Variants in HPX observed in about 807,000 individuals in gnomAD.
HPX encodes the protein beta-1B-glycoprotein.
HPX carries 42 observed loss-of-function variants against 53.8 expected under a neutral mutation model. The observed-to-expected ratio is 0.78, with a 90% CI of 0.61 to 1.01. The LOEUF (loss-of-function observed/expected upper bound fraction) is 1.01. Ranked by LOEUF, HPX falls within the 50% of genes least tolerant of loss-of-function variation. The pLI, the probability that HPX is intolerant of heterozygous loss-of-function variation, is 0.00. For synonymous variants in HPX, 229 were observed against 221.1 expected (o/e 1.04, Z -0.32); for missense variants, 547 against 594.3 (o/e 0.92, Z 0.83).
At chr11:6,439,665 C>A in intron 4 of HPX, 1 of 183,250 alleles carries the variant, frequency 5.5e-6, no homozygotes, top group Admixed American at 5.5e-5. Context: ...GAAAACAAAG[C>A]CGACAGTCAG....
At chr11:6,435,741 T>C (rs1338175558) in intron 7 of HPX, among the ~76,000 whole-genome samples, 1 of 152,222 alleles carries the variant, frequency 6.6e-6, no homozygotes, top group Non-Finnish European at 1.5e-5. Flanking sequence ...CAGGCGTGAC[T>C]CACCACGCCC....
chr11:6,438,326 C>T, intron 5 of HPX, 30 bp downstream of exon 5: 1 of 1,611,478 alleles, frequency 6.2e-7, no homozygotes, highest in Non-Finnish European at 8.5e-7. Context: ...CACCACTACT[C>T]CAGGTTCTTG....
In HPX at chr11:6,440,937, A is replaced by T. The variant is rs1256521773; in HGVS notation, c.27T>A (p.Val9=). 1 of 1,609,826 alleles carries T rather than the reference A, an allele frequency of 6.2e-7. No homozygotes were observed. Among genetic ancestry groups the T allele is most frequent in the Admixed American group, 1.7e-5 (1 of 59,572 alleles). MARVLGAP[V]ALGLWSLCWS... ...AGCATAGGCTCCACAACCCCAGTGC[A>T]ACGGGTGCTCCCAGTACCCTAGCCA... Residue 9 remains valine, a synonymous_variant, in exon 1 of 10, where the codon GTT becomes GTA. Coordinates refer to ENST00000265983, the MANE Select transcript of HPX (RefSeq NM_000613.3).
chr11:6,439,615 G>C (rs1849459787), intron 4 of HPX: 1 of 185,356 alleles, frequency 5.4e-6, no homozygotes, highest in Non-Finnish European at 1.1e-5. Flanking sequence ...GGTTGAGATA[G>C]AATGAGACAT....
intron 5 of HPX, 137 bp from the exon 6 acceptor site, chr11:6,437,789 G>A: frequency 1.5e-6 from 1 of 678,086 alleles, no homozygotes; most frequent in African/African-American, 1.8e-5. Context: ...GGCTAAAGGA[G>A]GGTGATCATA....
chr11:6,431,331 G>T lies in HPX; in HGVS notation c.1269C>A (p.Pro423=), dbSNP rs369731095. The T allele has an allele frequency of 1.2e-5, 19 of 1,614,094 alleles. No homozygotes were observed. The African/African-American group carries it at 2.4e-4, about 20-fold the overall frequency. The change falls in exon 10 of 10, where the codon CCC becomes CCA. Residue 423 remains proline, a synonymous_variant. Coordinates refer to ENST00000265983, the MANE Select transcript of HPX (RefSeq NM_000613.3). ...LGPNSCSANG[P]GLYLIHGPNL... ...TGGGACCATGGATGAGGTACAAGCC[G>T]GGACCATTGGCGGAACATGAGTTAG...
chr11:6,440,702 C>G lies in HPX; in HGVS notation c.112G>C (p.Gly38Arg). 1.9e-6 allele frequency: 3 copies of G among 1,613,926 alleles called. No individual in the cohort carries two copies. The highest frequency in any genetic ancestry group is 2.5e-6 in the Non-Finnish European group (3 of 1,179,988). ...ACGTCTGGGTCTGGCTTGGTCTCGC[C>G]TTCAGCAACATTCCCATGGGCACTA... ...PTSAHGNVAE[G>R]ETKPDPDVTE... Residue 38 changes from glycine (G) to arginine (R), a missense_variant, in exon 2 of 10, where the codon GGC becomes CGC. Transcript: ENST00000265983.
intron 7 of HPX, among the ~76,000 whole-genome samples, chr11:6,435,423 T>C (rs1024531111): frequency 1.2e-4 from 18 of 151,882 alleles, no homozygotes; most frequent in African/African-American, 4.4e-4. Context: ...TATATATATA[T>C]ATATATGGGT....
rs961762385 is a variant in HPX, at chr11:6,437,151, G to A, written c.730C>T (p.His244Tyr). ...RGHGHRNGTG[H>Y]GNSTHHGPEY... ...GGGCCATGGTGGGTACTGTTCCCAT[G>A]GCCAGTCCCATTCCTGTGTCCATGG... is the stretch of plus-strand genomic sequence containing the variant. The change falls in exon 7 of 10, where the codon CAT becomes TAT. Residue 244 changes from histidine (H) to tyrosine (Y), a missense_variant. Physicochemically the swap from His to Tyr is moderately conservative, Grantham distance 83. Transcript: ENST00000265983. 1 of 1,613,906 alleles carries A rather than the reference G, an allele frequency of 6.2e-7. No individual in the cohort carries two copies. The highest frequency in any genetic ancestry group is 1.3e-5 in the African/African-American group (1 of 74,910).
At chr11:6,438,708 A>G (rs4758417) in intron 4 of HPX, among the ~76,000 whole-genome samples, 199 bp from the exon 5 acceptor site, 9,612 of 152,280 alleles carry the variant, frequency 0.063, 434 homozygotes, top group South Asian at 0.14. Flanking sequence ...CACTATTACT[A>G]TAACACACAT....
At chr11:6,438,126 G>A (rs183589025) in intron 5 of HPX, 206 of 577,108 alleles carry the variant, frequency 3.6e-4, no homozygotes, top group Admixed American at 1.3e-3. Context: ...AGGGTCATGG[G>A]GAACAATGAG....
chr11:6,440,652 T>A lies in HPX; in HGVS notation c.142+20A>T. 1 of 1,605,386 alleles carries A rather than the reference T, an allele frequency of 6.2e-7. No homozygotes were observed. Among genetic ancestry groups the A allele is most frequent in the Non-Finnish European group, 8.5e-7 (1 of 1,176,342 alleles). ...ACACAACCAGACAGATAAGACAGAC[T>A]TAGGGAGTCAGGGCCTCACCAGTCA... is the stretch of plus-strand genomic sequence containing the variant. On this transcript the variant is annotated intron_variant, in intron 2 of 9. Transcript: ENST00000265983.
chr11:6,432,879 G>C (rs1849367515), intron 7 of HPX, among the ~76,000 whole-genome samples: 1 of 151,978 alleles, frequency 6.6e-6, no homozygotes, highest in Admixed American at 6.5e-5. Flanking sequence ...CTAGTCCAGG[G>C]GCTTTAAATG....
Position 6,431,123 on chromosome 11 carries a change from G to GC in HPX, c.*87dup. 6.5e-7 allele frequency: 1 copy of GC among 1,542,540 alleles called. No individual in the cohort carries two copies. Among genetic ancestry groups the GC allele is most frequent in the South Asian group, 1.2e-5 (1 of 82,686 alleles). On this transcript the variant is annotated 3_prime_UTR_variant, in exon 10 of 10. Transcript: ENST00000265983. ...GGCCAGGCCAGACTCATGTCAGAAG[G>GC]CCCCTCAGTGAGAAGCGAAGAAGCA...
At position 6,431,147 on chromosome 11, in the gene HPX, C is replaced by A. The variant is rs1849341323; in HGVS notation, c.*64G>T. 6.3e-7 allele frequency: 1 copy of A among 1,592,518 alleles called. No homozygotes were observed. Among genetic ancestry groups the A allele is most frequent in the Non-Finnish European group, 8.6e-7 (1 of 1,166,552 alleles). ...GGCCCCTCAGTGAGAAGCGAAGAAG[C>A]AATCTGTCTTTATTATGAGGAACTA... On this transcript the variant is annotated 3_prime_UTR_variant, in exon 10 of 10. Transcript: ENST00000265983.
In HPX at chr11:6,431,194, T is replaced by A; in HGVS notation, c.*17A>T. On this transcript the variant is annotated 3_prime_UTR_variant, in exon 10 of 10. Coordinates refer to ENST00000265983, the MANE Select transcript of HPX (RefSeq NM_000613.3). ...ACTAGGAGGTGGGGCCAGGCCAGAC[T>A]CATGTCAGAAGGCCCCTCAGTGAGT... 2 of 1,613,878 alleles carry A rather than the reference T, an allele frequency of 1.2e-6. No homozygotes were observed. Among genetic ancestry groups the A allele is most frequent in the African/African-American group, 2.7e-5 (2 of 75,058 alleles).
rs774626579 is a variant in HPX, at chr11:6,440,925, C to T, written c.39G>A (p.Leu13=). 1 of 1,611,934 alleles carries T rather than the reference C, an allele frequency of 6.2e-7. No individual in the cohort carries two copies. The highest frequency in any genetic ancestry group is 1.3e-5 in the African/African-American group (1 of 74,996). The stretch of plus-strand genomic sequence containing the variant: ...TGGCCAGAGACCAGCATAGGCTCCA[C>T]AACCCCAGTGCAACGGGTGCTCCCA... ...RVLGAPVALG[L]WSLCWSLAIA... The change falls in exon 1 of 10, where the codon TTG becomes TTA. Residue 13 remains leucine (L), a synonymous_variant. Transcript: ENST00000265983.
rs1849445785 is a variant in HPX, at chr11:6,438,504, G to T, written c.342C>A (p.Asp114Glu). 6 of 1,613,736 alleles carry T rather than the reference G, an allele frequency of 3.7e-6. No individual in the cohort carries two copies. In the South Asian group the frequency reaches 4.4e-5, roughly 12 times the overall value. ...GHNSVFLIKG[D>E]KVWVYPPEKK... ...TTTCAGGAGGGTATACCCAGACTTT[G>T]TCCCCCTGCATTCAAAAGTACTCTC... Residue 114 changes from aspartate (D) to glutamate (E), a missense_variant, in exon 5 of 10, where the codon GAC becomes GAA. Coordinates refer to ENST00000265983, the MANE Select transcript of HPX (RefSeq NM_000613.3).
chr11:6,437,075 T>A lies in HPX; in HGVS notation c.806A>T (p.Asp269Val). ...GAAGGCATAGGTGGCACCATGGTTGTCAGACGTCAGTGCAGACAAGACTAG... is the reference window on the plus strand; with the variant it reads ...GAAGGCATAGGTGGCACCATGGTTGACAGACGTCAGTGCAGACAAGACTAG... ...PHLVLSALTS[D>V]NHGATYAFSG... is the part of the protein sequence containing the mutation. The change falls in exon 7 of 10, where the codon GAC becomes GTC. Residue 269 changes from aspartate (D) to valine (V), a missense_variant. Physicochemically the swap from Asp to Val is radical, Grantham distance 152. Transcript: ENST00000265983. The A allele has an allele frequency of 6.2e-7, 1 of 1,614,150 alleles. No individual in the cohort carries two copies. The highest frequency in any genetic ancestry group is 8.5e-7 in the Non-Finnish European group (1 of 1,180,004).
Sources: allele counts gnomAD v4.1 joint callset (sites outside exome capture counted in the v4.1 genomes callset), GRCh38; gene constraint gnomAD v4.1.1; transcripts MANE v1.5; gene names NCBI Gene and HGNC (gene_info 2026-07-23, HGNC 2026-07-21).